PKNOX1: variants seen among roughly 807,000 people sequenced by gnomAD.
The protein encoded by PKNOX1 is PBX/knotted 1 homeobox 1.
PKNOX1 carries 15 observed loss-of-function variants against 51.9 expected under a neutral mutation model. That is an observed-to-expected ratio of 0.29 (90% CI 0.19 to 0.45). PKNOX1 has a LOEUF of 0.45. PKNOX1 is among the 20% of genes least tolerant of loss of function. The pLI is 1.00. For synonymous variants in PKNOX1, 219 were observed against 211.1 expected, an observed-to-expected ratio of 1.04 and a Z score of -0.32; for missense variants, 462 against 547.5, an observed-to-expected ratio of 0.84 and a Z score of 1.56.
At chr21:43,024,184 T>C (rs1168936622) in intron 8 of PKNOX1, among the ~76,000 whole-genome samples, 1 of 152,214 alleles carries the variant, frequency 6.6e-6, no homozygotes, top group Non-Finnish European at 1.5e-5. Context: ...AAGCCGTCGA[T>C]GGCATCAGCT....
intron 1 of PKNOX1, among the ~76,000 whole-genome samples, chr21:42,987,399 AAAAAAAT>A (rs59571901): frequency 0.061 from 6,820 of 112,128 alleles, 174 homozygotes; most frequent in Non-Finnish European, 0.093. Context: ...AAAAAAAAAA[AAAAAAAT>A]ATATATATAT....
At chr21:43,014,082 C>A (rs1232717940) in intron 5 of PKNOX1, among the ~76,000 whole-genome samples, 1 of 137,322 alleles carries the variant, frequency 7.3e-6, no homozygotes, top group African/African-American at 2.8e-5. Flanking sequence ...AGTGCAGTGG[C>A]GCGATCTCGG....
chr21:42,977,478 C>T (rs988836833), intron 1 of PKNOX1, among the ~76,000 whole-genome samples: 5 of 147,300 alleles, frequency 3.4e-5, no homozygotes, highest in African/African-American at 7.5e-5. Flanking sequence ...CTTGTACTTT[C>T]GTGTTATGGG....
At chr21:42,980,299 G>T (rs1176270007) in intron 1 of PKNOX1, among the ~76,000 whole-genome samples, 1 of 152,030 alleles carries the variant, frequency 6.6e-6, no homozygotes, top group African/African-American at 2.4e-5. Context: ...CTTGAACCAG[G>T]AGGTGGAGGT....
intron 1 of PKNOX1, among the ~76,000 whole-genome samples, chr21:42,998,666 C>T (rs1978614113): frequency 2.0e-5 from 3 of 152,152 alleles, no homozygotes; most frequent in African/African-American, 7.2e-5. Context: ...CTACAGGCTC[C>T]CATGTAAGTC....
At chr21:43,004,761 TG>T (rs1430750357) in intron 2 of PKNOX1, among the ~76,000 whole-genome samples, 7 of 152,278 alleles carry the variant, frequency 4.6e-5, no homozygotes, top group African/African-American at 1.7e-4. Flanking sequence ...CCATGTTGAC[TG>T]GTGGCTCTTC....
chr21:43,003,095 T>C (rs536779860), intron 1 of PKNOX1, among the ~76,000 whole-genome samples: 1 of 152,312 alleles, frequency 6.6e-6, no homozygotes, highest in Admixed American at 6.5e-5. Flanking sequence ...TTTCTTTCCA[T>C]TTAACACTGT....
At chr21:43,009,029 G>C (rs1335709669) in intron 3 of PKNOX1, among the ~76,000 whole-genome samples, 1 of 152,100 alleles carries the variant, frequency 6.6e-6, no homozygotes, top group African/African-American at 2.4e-5. Flanking sequence ...TAAAAGGAAT[G>C]AAGTGGCGGG....
intron 2 of PKNOX1, 36 bp from the exon 3 acceptor site, chr21:43,007,449 AGTTTGT>A: frequency 1.9e-6 from 3 of 1,599,180 alleles, no homozygotes; most frequent in Non-Finnish European, 2.6e-6. Flanking sequence ...ACCTCGTAGT[AGTTTGT>A]GTTTGCTAAT....
chr21:42,988,832 G>A (rs1317484659), intron 1 of PKNOX1, among the ~76,000 whole-genome samples: 1 of 152,150 alleles, frequency 6.6e-6, no homozygotes, highest in Non-Finnish European at 1.5e-5. Flanking sequence ...TCTACAGGCT[G>A]GGGACCCTGC....
Position 43,018,481 on chromosome 21 carries a change from CACACACACACACACACACACACACACA to C in PKNOX1, c.720+252_720+278del, listed in dbSNP as rs1398240164. ...ATAACCACCCCCTGCCACCCACACACACACACACACACACACACACACACACACACACACACACACACAGAGTTATCC... is the reference window on the plus strand; with the variant it reads ...ATAACCACCCCCTGCCACCCACACACCACACACACACACACAGAGTTATCC... On this transcript the variant is annotated intron_variant, in intron 7 of 10. Transcript: ENST00000291547. Among the ~76,000 whole-genome samples, 24 of 22,344 alleles carry C rather than the reference CACACACACACACACACACACACACACA, an allele frequency of 1.1e-3. 11 individuals carry two copies. Among genetic ancestry groups the C allele is most frequent in the Non-Finnish European group, 2.0e-3 (18 of 8,828 alleles). 14.7% of individuals were successfully genotyped at this position (22,344 alleles called of 152,430 possible).
chr21:42,983,353 G>A (rs911422846), intron 1 of PKNOX1, among the ~76,000 whole-genome samples: 10 of 152,130 alleles, frequency 6.6e-5, no homozygotes, highest in Middle Eastern at 3.4e-3. Context: ...TCTGAATTTC[G>A]CTACTATAGG....
Position 43,021,314 on chromosome 21 carries a change from G to A in PKNOX1, c.732G>A (p.Gln244=), listed in dbSNP as rs764816077. 2.5e-6 allele frequency: 4 copies of A among 1,604,878 alleles called. No individual in the cohort carries two copies. The highest frequency in any genetic ancestry group is 2.7e-5 in the African/African-American group (2 of 74,750). ...IRIQNSQLQL[Q]LNQDLSILHQ... Reference sequence around the variant, plus strand: ...TTCAACTTTAAAAGCTTCAGTTACAGTTAAACCAAGATCTCAGCATCTTGC... The same window carrying A: ...TTCAACTTTAAAAGCTTCAGTTACAATTAAACCAAGATCTCAGCATCTTGC... Residue 244 remains glutamine (Q), a synonymous_variant, in exon 8 of 11, where the codon CAG becomes CAA. Transcript: ENST00000291547. The surrounding 1 kb of genome is among the most constrained non-coding windows in gnomAD (Gnocchi z 4.6).
At chr21:42,978,628 C>T (rs1280219285) in intron 1 of PKNOX1, among the ~76,000 whole-genome samples, 5 of 151,610 alleles carry the variant, frequency 3.3e-5, no homozygotes, top group East Asian at 1.9e-4. Flanking sequence ...GGACTACAGA[C>T]GTGAGCCACC....
At chr21:42,988,087 T>G (rs1426544459) in intron 1 of PKNOX1, among the ~76,000 whole-genome samples, 1 of 151,546 alleles carries the variant, frequency 6.6e-6, no homozygotes, top group Non-Finnish European at 1.5e-5. Flanking sequence ...GGAGTCTCAC[T>G]CTGTCACCCA....
intron 1 of PKNOX1, among the ~76,000 whole-genome samples, chr21:43,001,895 G>A (rs537245707): frequency 1.2e-4 from 19 of 152,222 alleles, no homozygotes; most frequent in Non-Finnish European, 2.4e-4. Context: ...GGGAGATGGA[G>A]CTTGCAAGTG....
intron 1 of PKNOX1, among the ~76,000 whole-genome samples, chr21:42,984,961 C>T (rs555724850): frequency 3.2e-4 from 47 of 145,730 alleles, no homozygotes; most frequent in African/African-American, 1.2e-3. Flanking sequence ...GTTAGGGTTC[C>T]TCATTTTCTT....
intron 1 of PKNOX1, among the ~76,000 whole-genome samples, chr21:42,992,591 G>A (rs1160266299): frequency 1.3e-5 from 2 of 152,172 alleles, no homozygotes; most frequent in East Asian, 3.9e-4. Context: ...TAATGACTGA[G>A]GAATGGTATC....
chr21:42,997,724 A>G (rs1311886401), intron 1 of PKNOX1, among the ~76,000 whole-genome samples: 5 of 152,198 alleles, frequency 3.3e-5, no homozygotes, highest in African/African-American at 4.8e-5. Flanking sequence ...GAGATTCATC[A>G]GGAAGGCTTT....
Sources: allele counts gnomAD v4.1 joint callset (sites outside exome capture counted in the v4.1 genomes callset), GRCh38; gene constraint gnomAD v4.1.1; non-coding constraint Gnocchi (gnomAD v3.1); transcripts MANE v1.5; gene names NCBI Gene and HGNC (gene_info 2026-07-23, HGNC 2026-07-21).